The following RGS12 variants were observed in gnomAD, a reference collection of about 807,000 sequenced individuals.
The protein encoded by RGS12 is regulator of G-protein signaling 12.
A neutral mutation model predicts 120.1 loss-of-function variants in RGS12; 66 were observed. The observed-to-expected ratio is 0.55, with a 90% CI of 0.45 to 0.67. The LOEUF is 0.67. Among genes scored for constraint, RGS12 ranks in the 30% least tolerant of loss-of-function variants. RGS12 has a pLI of 0.00. For synonymous variants in RGS12, 827 were observed against 804.7 expected (o/e 1.03, Z -0.47); for missense variants, 1,859 against 1,957.7 (o/e 0.95, Z 0.95).
chr4:3,338,579 C>CGGCTGGCTCA (rs931225108), intron 2 of RGS12, among the ~76,000 whole-genome samples: 4 of 152,186 alleles, frequency 2.6e-5, no homozygotes, highest in Admixed American at 1.3e-4. Context: ...TCCCTGAAGC[C>CGGCTGGCTCA]GGCTGGCTCA....
intron 1 of RGS12, among the ~76,000 whole-genome samples, chr4:3,294,697 C>CT (rs2110343551): frequency 6.6e-6 from 1 of 152,300 alleles, no homozygotes; most frequent in South Asian, 2.1e-4. Flanking sequence ...TTTCTTAAAA[C>CT]TGCAAGTCCA....
At chr4:3,437,293 G>A (rs970968298) in intron 17 of RGS12, among the ~76,000 whole-genome samples, 9 of 152,156 alleles carry the variant, frequency 5.9e-5, no homozygotes, top group Admixed American at 4.6e-4. Context: ...AGAAACAAGT[G>A]TTTCTCCATC....
intron 2 of RGS12, among the ~76,000 whole-genome samples, chr4:3,320,868 C>T (rs1277084254): frequency 6.6e-6 from 1 of 152,180 alleles, no homozygotes; most frequent in Non-Finnish European, 1.5e-5. Context: ...AGGGCCCCAC[C>T]TGGACGCTGG....
chr4:3,399,298 A>G (rs989545541), intron 4 of RGS12, among the ~76,000 whole-genome samples: 2 of 152,232 alleles, frequency 1.3e-5, no homozygotes, highest in African/African-American at 4.8e-5. Flanking sequence ...AAAACCAAAC[A>G]GTATACAACT....
intron 2 of RGS12, among the ~76,000 whole-genome samples, chr4:3,322,641 T>A (rs1047899528): frequency 2.0e-5 from 3 of 152,252 alleles, no homozygotes; most frequent in Admixed American, 2.0e-4. Flanking sequence ...CCCAAATTCT[T>A]AAAATTTCCA....
chr4:3,343,160 C>A (rs557908173), intron 3 of RGS12, 107 bp downstream of exon 3: 630 of 750,322 alleles, frequency 8.4e-4, no homozygotes, highest in Admixed American at 1.6e-3. Context: ...GTCCCCTCCC[C>A]TCCTCCTCTG....
chr4:3,401,151 GA>G (rs1279856942), intron 4 of RGS12, among the ~76,000 whole-genome samples: 1 of 152,120 alleles, frequency 6.6e-6, no homozygotes, highest in African/African-American at 2.4e-5. Context: ...ATTTCCATGG[GA>G]GCATATGTAT....
intron 17 of RGS12, among the ~76,000 whole-genome samples, chr4:3,437,043 T>G (rs1248565397): frequency 6.6e-6 from 1 of 152,164 alleles, no homozygotes; most frequent in African/African-American, 2.4e-5. Flanking sequence ...CTGGGTCCTC[T>G]GTGTTGCCAT....
At chr4:3,291,302 C>T (rs951596873), upstream of RGS12, among the ~76,000 whole-genome samples, 4 of 151,764 alleles carry the variant, frequency 2.6e-5, no homozygotes, top group Non-Finnish European at 5.9e-5. Context: ...CCAAGAAGGT[C>T]CACAGTTTTG....
chr4:3,311,860 G>A (rs542003855), intron 1 of RGS12, among the ~76,000 whole-genome samples: 3 of 152,312 alleles, frequency 2.0e-5, no homozygotes, highest in African/African-American at 4.8e-5. Flanking sequence ...TGACGTGGTC[G>A]GTGACTCCTG....
chr4:3,344,517 G>C (rs1017082166), intron 3 of RGS12, among the ~76,000 whole-genome samples: 1 of 152,222 alleles, frequency 6.6e-6, no homozygotes, highest in Non-Finnish European at 1.5e-5. Flanking sequence ...TGTGGCCCTA[G>C]GTTTGGGCTG....
At chr4:3,379,479 A>G (rs1362999596) in intron 3 of RGS12, among the ~76,000 whole-genome samples, 1 of 152,100 alleles carries the variant, frequency 6.6e-6, no homozygotes, top group African/African-American at 2.4e-5. Context: ...TTAAAATATC[A>G]TATCACATAC....
chr4:3,318,737 T>A (rs10019160), intron 2 of RGS12, among the ~76,000 whole-genome samples: 3,206 of 152,180 alleles, frequency 0.021, 97 homozygotes, highest in African/African-American at 0.074. Flanking sequence ...GAAGGGACTT[T>A]GTCCAGCAGG....
At chr4:3,414,403 A>C in intron 5 of RGS12, 162 bp downstream of exon 5, 3 of 802,650 alleles carry the variant, frequency 3.7e-6, no homozygotes, top group Non-Finnish European at 5.7e-6. Flanking sequence ...TCAAGAGCTC[A>C]GAGGAGGGTG....
chr4:3,376,894 C>T (rs1269491788), intron 3 of RGS12, among the ~76,000 whole-genome samples: 2 of 152,194 alleles, frequency 1.3e-5, no homozygotes, highest in African/African-American at 4.8e-5. Flanking sequence ...TCAGTCTCAG[C>T]CTCTGGCGTG....
chr4:3,381,268 G>C (rs756025213), intron 3 of RGS12, among the ~76,000 whole-genome samples: 1 of 152,166 alleles, frequency 6.6e-6, no homozygotes, highest in African/African-American at 2.4e-5. Flanking sequence ...CAGATCTCTA[G>C]GAAGTTCAAA....
intron 2 of RGS12, among the ~76,000 whole-genome samples, chr4:3,338,284 T>C (rs1474389179): frequency 6.6e-6 from 1 of 152,214 alleles, no homozygotes; most frequent in Non-Finnish European, 1.5e-5. Flanking sequence ...GGTCTCAAAC[T>C]CCCAACCTCA....
chr4:3,288,855 C>T (rs1422511200), upstream of RGS12, among the ~76,000 whole-genome samples: 2 of 152,208 alleles, frequency 1.3e-5, no homozygotes, highest in African/African-American at 2.4e-5. The surrounding 1 kb of genome is among the most constrained non-coding windows in gnomAD (Gnocchi z 5.2). Context: ...CCCAGCTCTC[C>T]TTGTCTCTAA....
At position 3,342,917 on chromosome 4, in the gene RGS12, C is replaced by T; in HGVS notation, c.1882-20C>T. The T allele has an allele frequency of 6.6e-7, 1 of 1,511,018 alleles. No individual in the cohort carries two copies. Among genetic ancestry groups the T allele is most frequent in the Non-Finnish European group, 9.2e-7 (1 of 1,086,392 alleles). 93.6% of individuals were successfully genotyped at this position (1,511,018 alleles called of 1,614,324 possible). A position where few individuals can be genotyped will look rare whatever the true frequency, so the allele number is the denominator to read the frequency against. On this transcript the variant is annotated intron_variant, in intron 2 of 17. Coordinates refer to ENST00000336727, the MANE Select transcript of RGS12 (RefSeq NM_001394154.1). ...CTCTTTGCAAAAGAATAACCTGATG[C>T]CTTTTTTCTTCGTGTTTAGGGCTCA...
Sources: gnomAD v4.1 joint callset for allele counts (sites outside exome capture counted in the v4.1 genomes callset) on GRCh38, gnomAD v4.1.1 for gene constraint, Gnocchi (gnomAD v3.1) non-coding constraint, MANE v1.5 for transcripts, NCBI Gene and HGNC (gene_info 2026-07-23, HGNC 2026-07-21) for gene names.